Variants in NTRK2 observed in about 807,000 individuals in gnomAD.
The protein encoded by NTRK2 is neurotrophic receptor tyrosine kinase 2.
NTRK2 carries 13 observed loss-of-function variants against 94.5 expected under a neutral mutation model. The ratio of observed to expected loss-of-function variants is 0.14; its 90% CI spans 0.09 to 0.22. NTRK2 has a LOEUF of 0.22. Among genes scored for constraint, NTRK2 ranks in the 10% least tolerant of loss-of-function variants. The probability of loss-of-function intolerance (pLI) is 1.00; values close to 1 mark genes in which losing one functional copy is unlikely to be tolerated. For synonymous variants in NTRK2, 372 were observed against 407.4 expected (o/e 0.91, Z 1.05); for missense variants, 639 against 1,071.2 (o/e 0.60, Z 5.63).
chr9:84,746,286 A>G (rs1440249640), intron 11 of NTRK2, among the ~76,000 whole-genome samples: 2 of 152,206 alleles, frequency 1.3e-5, no homozygotes, highest in Non-Finnish European at 2.9e-5. Context: ...GTGTTCATTT[A>G]CGTACTGTCT....
At chr9:84,909,882 C>G (rs1262164654) in intron 14 of NTRK2, among the ~76,000 whole-genome samples, 1 of 151,972 alleles carries the variant, frequency 6.6e-6, no homozygotes, top group Non-Finnish European at 1.5e-5. Context: ...TGTAGCTTGT[C>G]TTTTCATCAT....
intron 17 of NTRK2, among the ~76,000 whole-genome samples, chr9:84,999,415 C>A (rs369162152): frequency 6.6e-6 from 1 of 152,140 alleles, no homozygotes; most frequent in East Asian, 1.9e-4. Context: ...GTACTACCAG[C>A]ATATTGGGCC....
chr9:84,926,176 T>TTCTC (rs2077796046), intron 14 of NTRK2, among the ~76,000 whole-genome samples: 6 of 66,492 alleles, frequency 9.0e-5, no homozygotes, highest in African/African-American at 3.0e-4. Flanking sequence ...CTTCCTTTCT[T>TTCTC]TCTTTCTTTC....
intron 17 of NTRK2, among the ~76,000 whole-genome samples, chr9:84,962,719 C>T (rs1005759785): frequency 1.3e-5 from 2 of 152,116 alleles, no homozygotes; most frequent in Admixed American, 6.6e-5. Flanking sequence ...TCCGCTTTCT[C>T]GTGCCTGTGA....
intron 12 of NTRK2, among the ~76,000 whole-genome samples, chr9:84,833,886 T>C (rs1250575908): frequency 6.6e-6 from 1 of 152,194 alleles, no homozygotes; most frequent in Non-Finnish European, 1.5e-5. Flanking sequence ...CCATCAATGT[T>C]GTTAAAGTTC....
At chr9:84,687,491 T>A (rs1347615828) in intron 2 of NTRK2, among the ~76,000 whole-genome samples, 1 of 152,198 alleles carries the variant, frequency 6.6e-6, no homozygotes, top group Non-Finnish European at 1.5e-5. Context: ...CTTCTGGAGC[T>A]TAAATTCCTG....
intron 12 of NTRK2, among the ~76,000 whole-genome samples, chr9:84,789,409 G>A (rs1429733346): frequency 6.6e-6 from 1 of 152,180 alleles, no homozygotes; most frequent in Non-Finnish European, 1.5e-5. Flanking sequence ...TCAAGAGTTG[G>A]AAGGCAGAAT....
intron 9 of NTRK2, among the ~76,000 whole-genome samples, chr9:84,730,881 T>G (rs2062840092): frequency 6.6e-6 from 1 of 151,238 alleles, no homozygotes; most frequent in Non-Finnish European, 1.5e-5. Flanking sequence ...CATTAATATT[T>G]CTACTATTAT....
chr9:84,747,085 G>A (rs1417494222), intron 11 of NTRK2, among the ~76,000 whole-genome samples: 1 of 152,052 alleles, frequency 6.6e-6, no homozygotes, highest in Non-Finnish European at 1.5e-5. Flanking sequence ...GTTTGGTGGA[G>A]CAATAAAGAC....
chr9:84,963,051 G>A (rs1278876071), intron 17 of NTRK2, among the ~76,000 whole-genome samples: 1 of 152,130 alleles, frequency 6.6e-6, no homozygotes, highest in African/African-American at 2.4e-5. Context: ...AGATGTACTT[G>A]GTCTTTCCCT....
chr9:84,988,857 C>T (rs1025677265), intron 17 of NTRK2, among the ~76,000 whole-genome samples: 14 of 152,368 alleles, frequency 9.2e-5, no homozygotes, highest in African/African-American at 3.1e-4. Flanking sequence ...TGCCAACCCA[C>T]AGGCCAAAAC....
chr9:84,818,405 A>G (rs1044743148), intron 12 of NTRK2, among the ~76,000 whole-genome samples: 3 of 152,318 alleles, frequency 2.0e-5, no homozygotes, highest in Admixed American at 6.5e-5. Flanking sequence ...TTATTGTTGC[A>G]CTAAAGTAGA....
At chr9:84,746,633 G>A (rs745526237) in intron 11 of NTRK2, among the ~76,000 whole-genome samples, 39 of 152,090 alleles carry the variant, frequency 2.6e-4, no homozygotes, top group African/African-American at 7.5e-4. Context: ...GGGTGACCTC[G>A]TCCTTCCCGA....
At chr9:84,720,437 G>T (rs1411565299) in intron 6 of NTRK2, among the ~76,000 whole-genome samples, 1 of 152,154 alleles carries the variant, frequency 6.6e-6, no homozygotes, top group Non-Finnish European at 1.5e-5. Flanking sequence ...CAGGAAATTG[G>T]AAGAGCATTA....
At chr9:84,940,424 C>T (rs1440158250) in intron 15 of NTRK2, among the ~76,000 whole-genome samples, 2 of 152,160 alleles carry the variant, frequency 1.3e-5, no homozygotes, top group Admixed American at 6.5e-5. Flanking sequence ...CTGTCTCTTG[C>T]CTCTGCTACT....
intron 14 of NTRK2, among the ~76,000 whole-genome samples, chr9:84,905,727 C>G (rs911285547): frequency 3.3e-5 from 5 of 151,984 alleles, no homozygotes; most frequent in Admixed American, 1.3e-4. Context: ...CTGGGAGTGT[C>G]AGGTAGGTGG....
chr9:84,875,920 G>T (rs200940854), intron 14 of NTRK2: 14 of 1,037,550 alleles, frequency 1.3e-5, no homozygotes, highest in Admixed American at 5.6e-5. Context: ...GAGTTCAAAT[G>T]AATAAGTTCC....
intron 15 of NTRK2, among the ~76,000 whole-genome samples, chr9:84,944,765 G>T (rs1315981956): frequency 6.6e-6 from 1 of 152,224 alleles, no homozygotes; most frequent in Non-Finnish European, 1.5e-5. Flanking sequence ...CCTTATTCAT[G>T]CATACTTTGA....
intron 14 of NTRK2, among the ~76,000 whole-genome samples, chr9:84,896,096 GTGTT>G (rs985792307): frequency 3.9e-5 from 6 of 152,182 alleles, no homozygotes; most frequent in Admixed American, 6.5e-5. Context: ...GAACCTAGGT[GTGTT>G]TGTTTATGTG....
Sources: allele counts gnomAD v4.1 joint callset (sites outside exome capture counted in the v4.1 genomes callset), GRCh38; gene constraint gnomAD v4.1.1; transcripts MANE v1.5; gene names NCBI Gene and HGNC (gene_info 2026-07-23, HGNC 2026-07-21).